Variants in STK10 observed in about 807,000 individuals in gnomAD.
The protein encoded by STK10 is serine/threonine-protein kinase 10.
Under a neutral mutation model 113.8 loss-of-function variants are expected in STK10, and 78 were observed. The ratio of observed to expected loss-of-function variants is 0.69; its 90% CI spans 0.57 to 0.83. The LOEUF (loss-of-function observed/expected upper bound fraction) is 0.83, where lower values mean the gene tolerates loss of function less well. Ranked by LOEUF, STK10 falls within the 40% of genes least tolerant of loss-of-function variation. The pLI is 0.00. For missense variants in STK10, 1,109 were observed against 1,280.1 expected, an observed-to-expected ratio of 0.87 and a Z score of 2.04; for synonymous variants, 465 against 494.7, an observed-to-expected ratio of 0.94 and a Z score of 0.80.
At chr5:172,156,871 A>C (rs1236527874) in intron 1 of STK10, 83 bp from the exon 2 acceptor site, 1 of 1,503,296 alleles carries the variant, frequency 6.7e-7, no homozygotes, top group African/African-American at 1.4e-5. Context: ...GTCCTGCATG[A>C]GTGTGAAAAC....
intron 12 of STK10, among the ~76,000 whole-genome samples, chr5:172,073,732 A>C (rs66946162): frequency 0.21 from 30,662 of 148,158 alleles, 4,092 homozygotes; most frequent in African/African-American, 0.37. Flanking sequence ...GGATAATTTG[A>C]GGTCAGAAGT....
At chr5:172,046,781 T>G (rs1008025815) in intron 18 of STK10, among the ~76,000 whole-genome samples, 2 of 152,216 alleles carry the variant, frequency 1.3e-5, no homozygotes, top group Non-Finnish European at 2.9e-5. Context: ...ACAGACAATC[T>G]GTAAATGAAC....
chr5:172,182,880 G>A (rs754477333), intron 1 of STK10, among the ~76,000 whole-genome samples: 4 of 152,118 alleles, frequency 2.6e-5, no homozygotes, highest in Non-Finnish European at 5.9e-5. Flanking sequence ...TGGAGATGGG[G>A]TTTCGTCATG....
chr5:172,116,712 A>G (rs1228485404), intron 4 of STK10, among the ~76,000 whole-genome samples: 1 of 151,310 alleles, frequency 6.6e-6, no homozygotes, highest in Non-Finnish European at 1.5e-5. Flanking sequence ...TACTAAAAAT[A>G]CAAAAATTAG....
chr5:172,160,520 T>G (rs951100701), intron 1 of STK10, among the ~76,000 whole-genome samples: 4 of 151,378 alleles, frequency 2.6e-5, no homozygotes, highest in Non-Finnish European at 4.4e-5. Flanking sequence ...TCTGGAGACC[T>G]TAAACAGCAA....
At chr5:172,087,559 G>A (rs971950010) in intron 10 of STK10, among the ~76,000 whole-genome samples, 1 of 151,688 alleles carries the variant, frequency 6.6e-6, no homozygotes, top group African/African-American at 2.4e-5. Flanking sequence ...ACAGGTGTGA[G>A]CCACTACACC....
At position 172,147,152 on chromosome 5, in the gene STK10, A is replaced by T. The variant is rs558784452; in HGVS notation, c.321+9472T>A. On this transcript the variant is annotated intron_variant, in intron 2 of 18. Transcript: ENST00000176763. ...AAGATATTACAAAAGATACAGATGA[A>T]GGGATGTGTATGGTGAGGCTGGGGG... is the stretch of plus-strand genomic sequence containing the variant. Among the ~76,000 whole-genome samples the T allele has an allele frequency of 1.9e-4, 29 of 152,202 alleles. 1 individual carries two copies. The highest frequency in any genetic ancestry group is 2.6e-4 in the Non-Finnish European group (18 of 68,036).
intron 1 of STK10, among the ~76,000 whole-genome samples, chr5:172,185,947 G>T (rs1486006493): frequency 1.3e-5 from 2 of 152,194 alleles, no homozygotes; most frequent in Non-Finnish European, 2.9e-5. Context: ...ATAACAGGAA[G>T]TGTGGGCTCA....
intron 18 of STK10, among the ~76,000 whole-genome samples, chr5:172,046,409 T>G (rs1334540094): frequency 6.6e-6 from 1 of 151,866 alleles, no homozygotes; most frequent in African/African-American, 2.4e-5. Flanking sequence ...AAACATACCA[T>G]GCCTGTAAGC....
rs545917023 is a variant in STK10, at chr5:172,053,309, C to T, written c.2653-267G>A. ...TTTGCAACTTTCTGTGAGGATACAG[C>T]AAGAAGGCAGCTGTCCGCAAGCCAG... On this transcript the variant is annotated intron_variant, in intron 17 of 18. Transcript: ENST00000176763. The T allele has an allele frequency of 2.9e-5, 11 of 379,766 alleles. No individual in the cohort carries two copies. The South Asian group carries it at 3.2e-4, about 11-fold the overall frequency. 23.5% of individuals were successfully genotyped at this position (379,766 alleles called of 1,614,324 possible).
chr5:172,100,059 T>C (rs1259400043), intron 7 of STK10, among the ~76,000 whole-genome samples: 2 of 152,204 alleles, frequency 1.3e-5, no homozygotes, highest in East Asian at 3.8e-4. Flanking sequence ...GGGCCACCCG[T>C]CCTATGGCTG....
At position 172,187,716 on chromosome 5, in the gene STK10, G is replaced by A. The variant is rs1160213649; in HGVS notation, c.156+171C>T. Among the ~76,000 whole-genome samples the A allele has an allele frequency of 6.6e-6, 1 of 152,200 alleles. No individual in the cohort carries two copies. The highest frequency in any genetic ancestry group is 1.5e-5 in the Non-Finnish European group (1 of 68,026). On this transcript the variant is annotated intron_variant, in intron 1 of 18. Transcript: ENST00000176763. The surrounding 1 kb of genome is among the most constrained non-coding windows in gnomAD (Gnocchi z 4.6). ...CAGAGCGCAGGGACTCGGCCGGGCC[G>A]AGTGATGTTCCCCCCAAAAAACAAG...
At chr5:172,139,400 C>T (rs1489739201) in intron 2 of STK10, among the ~76,000 whole-genome samples, 9 of 151,046 alleles carry the variant, frequency 6.0e-5, no homozygotes, top group Admixed American at 1.3e-4. Flanking sequence ...TGGTGGCTCA[C>T]ACTGGTAATC....
chr5:172,157,278 G>T (rs903609498), intron 1 of STK10, among the ~76,000 whole-genome samples: 2 of 152,090 alleles, frequency 1.3e-5, no homozygotes, highest in African/African-American at 4.8e-5. Context: ...TAAAATCTAG[G>T]CCGGGTGCGG....
At position 172,156,799 on chromosome 5, in the gene STK10, G is replaced by A; in HGVS notation, c.157-11C>T. On this transcript the variant is annotated splice_polypyrimidine_tract_variant and intron_variant, in intron 1 of 18. Coordinates refer to ENST00000176763, the MANE Select transcript of STK10 (RefSeq NM_005990.4). ...CTCCTTATTCTTGGCCTGCAAAGAG[G>A]AGATACAGGAGGTCAACAAGGCATG... 2 of 1,608,084 alleles carry A rather than the reference G, an allele frequency of 1.2e-6. No individual in the cohort carries two copies. The highest frequency in any genetic ancestry group is 1.7e-6 in the Non-Finnish European group (2 of 1,175,178).
rs1251433041 is a variant in STK10 at position 172,180,518 on chromosome 5, C to T, written c.156+7369G>A. Among the ~76,000 whole-genome samples the T allele has an allele frequency of 2.1e-5, 3 of 139,748 alleles. 1 individual carries two copies. Among genetic ancestry groups the T allele is most frequent in the Admixed American group, 1.4e-4 (2 of 13,838 alleles). 91.7% of individuals were successfully genotyped at this position (139,748 alleles called of 152,430 possible). A position where few individuals can be genotyped will look rare whatever the true frequency, so the allele number is the denominator to read the frequency against. ...ATTAAAATACAGCAACGGCCAGGTGCAGTGGCTCACGCCTGTAATCCCAGC... is the reference window on the plus strand; with the variant it reads ...ATTAAAATACAGCAACGGCCAGGTGTAGTGGCTCACGCCTGTAATCCCAGC... On this transcript the variant is annotated intron_variant, in intron 1 of 18. Coordinates refer to ENST00000176763, the MANE Select transcript of STK10 (RefSeq NM_005990.4).
intron 4 of STK10, among the ~76,000 whole-genome samples, chr5:172,108,773 TA>T (rs1561811022): frequency 2.0e-5 from 3 of 151,592 alleles, no homozygotes; most frequent in Non-Finnish European, 4.4e-5. Flanking sequence ...CGGTATTTAT[TA>T]CTATTTATTA....
At chr5:172,179,593 G>A (rs1444603020) in intron 1 of STK10, among the ~76,000 whole-genome samples, 1 of 147,510 alleles carries the variant, frequency 6.8e-6, no homozygotes, top group Non-Finnish European at 1.5e-5. Flanking sequence ...AGACCCGCAG[G>A]GCTGTGGGCA....
intron 7 of STK10, among the ~76,000 whole-genome samples, chr5:172,098,507 G>A (rs1463177015): frequency 6.6e-6 from 1 of 152,196 alleles, no homozygotes; most frequent in Non-Finnish European, 1.5e-5. Context: ...GGATGCAGAG[G>A]AAGGATGGGC....
Sources: allele counts gnomAD v4.1 joint callset (sites outside exome capture counted in the v4.1 genomes callset), GRCh38; gene constraint gnomAD v4.1.1; non-coding constraint Gnocchi (gnomAD v3.1); transcripts MANE v1.5; gene names NCBI Gene and HGNC (gene_info 2026-07-23, HGNC 2026-07-21).